RSRC1: variants seen among roughly 807,000 people sequenced by gnomAD.
RSRC1 encodes arginine and serine rich coiled-coil 1.
In RSRC1, 39 loss-of-function variants were observed where a neutral mutation model predicts 49.1. That is an observed-to-expected ratio of 0.79 (90% CI 0.61 to 1.04). RSRC1 has a LOEUF of 1.04. RSRC1 is among the 50% of genes least tolerant of loss of function. RSRC1 has a pLI of 0.00. For missense variants in RSRC1, 388 were observed against 402.4 expected (o/e 0.96, Z 0.31); for synonymous variants, 143 against 130.8 (o/e 1.09, Z -0.63).
At chr3:158,262,602 C>T (rs1254146740) in intron 4 of RSRC1, among the ~76,000 whole-genome samples, 1 of 151,928 alleles carries the variant, frequency 6.6e-6, no homozygotes, top group African/African-American at 2.4e-5. Context: ...ATAAAATATC[C>T]TGCTTTGATT....
chr3:158,428,282 A>AT (rs1255856007), intron 6 of RSRC1, among the ~76,000 whole-genome samples: 11 of 151,894 alleles, frequency 7.2e-5, no homozygotes, highest in Admixed American at 7.2e-4. Flanking sequence ...GGGATAATGC[A>AT]TATCAGTTTG....
Position 158,537,097 on chromosome 3 carries a change from G to A in RSRC1, c.658G>A (p.Ala220Thr). ...EAKRRKEEDQ[A>T]TLVEQVKRVK... is the part of the protein sequence containing the mutation. ...CATTATACCCTCTTTTTCAGACCAAGCCACCCTGGTAGAACAAGTAAAAAG... is the reference window on the plus strand; with the variant it reads ...CATTATACCCTCTTTTTCAGACCAAACCACCCTGGTAGAACAAGTAAAAAG... The change falls in exon 8 of 10, where the codon GCC becomes ACC. Residue 220 changes from alanine (A) to threonine (T), a missense_variant. Transcript: ENST00000611884. 1.1e-5 allele frequency: 17 copies of A among 1,607,570 alleles called. No homozygotes were observed. The highest frequency in any genetic ancestry group is 1.4e-5 in the Non-Finnish European group (16 of 1,175,622).
chr3:158,515,728 A>G lies in RSRC1; in HGVS notation c.653-21364A>G, dbSNP rs1740482656. Among the ~76,000 whole-genome samples, 3 of 149,724 alleles carry G rather than the reference A, an allele frequency of 2.0e-5. No individual in the cohort carries two copies. In the South Asian group the frequency reaches 6.5e-4, roughly 32 times the overall value. On this transcript the variant is annotated intron_variant, in intron 7 of 9. Coordinates refer to ENST00000611884, the MANE Select transcript of RSRC1 (RefSeq NM_001271838.2). ...TGGTTCCATTCTCCCCGTCACTTTC[A>G]GGTACACCAATCAGACGTAGATTTG...
intron 7 of RSRC1, among the ~76,000 whole-genome samples, chr3:158,467,848 G>A (rs1185873729): frequency 2.0e-5 from 3 of 152,126 alleles, no homozygotes; most frequent in African/African-American, 7.2e-5. Context: ...TATTTTACTT[G>A]GCTAAGTTTT....
rs546576291 is a variant in RSRC1 at position 158,520,937 on chromosome 3, A to G, written c.653-16155A>G. ...GATTGAAATGGCATGCTTATCTAACATAACTAGAATTCCCTGGTTATTCCC... is the reference window on the plus strand; with the variant it reads ...GATTGAAATGGCATGCTTATCTAACGTAACTAGAATTCCCTGGTTATTCCC... On this transcript the variant is annotated intron_variant, in intron 7 of 9. Transcript: ENST00000611884. Among the ~76,000 whole-genome samples, 5 of 152,278 alleles carry G rather than the reference A, an allele frequency of 3.3e-5. No homozygotes were observed. In the South Asian group the frequency reaches 1.0e-3, roughly 32 times the overall value.
chr3:158,349,013 G>C (rs534694766), intron 5 of RSRC1, among the ~76,000 whole-genome samples: 1 of 151,944 alleles, frequency 6.6e-6, no homozygotes, highest in African/African-American at 2.4e-5. Flanking sequence ...ACTTAGGTTT[G>C]TTTCATGACT....
intron 3 of RSRC1, among the ~76,000 whole-genome samples, chr3:158,128,920 C>T (rs1368672530): frequency 6.6e-6 from 1 of 152,054 alleles, no homozygotes; most frequent in Non-Finnish European, 1.5e-5. Context: ...GCATTTTTGG[C>T]AAGAATACGA....
chr3:158,215,009 A>G (rs1053161562), intron 4 of RSRC1, among the ~76,000 whole-genome samples: 4 of 149,584 alleles, frequency 2.7e-5, no homozygotes, highest in Admixed American at 6.8e-5. Flanking sequence ...GTCTCTAACT[A>G]TAATTCTGTA....
intron 1 of RSRC1, among the ~76,000 whole-genome samples, chr3:158,115,313 C>T (rs559841576): frequency 2.3e-4 from 35 of 152,038 alleles, no homozygotes; most frequent in African/African-American, 6.7e-4. Context: ...TTTTGGTCAC[C>T]CCCAAGACAG....
chr3:158,489,319 A>C (rs1178479517), intron 7 of RSRC1, among the ~76,000 whole-genome samples: 1 of 152,230 alleles, frequency 6.6e-6, no homozygotes, highest in Non-Finnish European at 1.5e-5. Flanking sequence ...ACCAAATGCA[A>C]GCAGGTTCTT....
intron 3 of RSRC1, among the ~76,000 whole-genome samples, chr3:158,137,655 C>T (rs201662921): frequency 2.9e-5 from 4 of 138,518 alleles, no homozygotes; most frequent in African/African-American, 8.0e-5. Flanking sequence ...TTTTCTTTTT[C>T]TTTTTTTTTT....
chr3:158,222,923 T>G (rs1270637375), intron 4 of RSRC1, among the ~76,000 whole-genome samples: 1 of 151,640 alleles, frequency 6.6e-6, no homozygotes, highest in African/African-American at 2.4e-5. Flanking sequence ...TCTCATCTCC[T>G]CCAGCACTAT....
rs548559326 is a variant in RSRC1 at position 158,534,765 on chromosome 3, A to G, written c.653-2327A>G. 1.3e-4 allele frequency among the ~76,000 whole-genome samples: 19 copies of G among 151,630 alleles called. No homozygotes were observed. In the East Asian group the frequency reaches 3.3e-3, roughly 26 times the overall value. ...AAACTATAAAATAGAATGCTATGCAATTATAAAATAGAATGCAGAACTCTC... is the reference window on the plus strand; with the variant it reads ...AAACTATAAAATAGAATGCTATGCAGTTATAAAATAGAATGCAGAACTCTC... On this transcript the variant is annotated intron_variant, in intron 7 of 9. Coordinates refer to ENST00000611884, the MANE Select transcript of RSRC1 (RefSeq NM_001271838.2).
At position 158,203,036 on chromosome 3, in the gene RSRC1, A is replaced by G. The variant is rs1407487198; in HGVS notation, c.321-36A>G. On this transcript the variant is annotated intron_variant, in intron 3 of 9. Coordinates refer to ENST00000611884, the MANE Select transcript of RSRC1 (RefSeq NM_001271838.2). ...ATTTACTTTTCACGATACAAATTAT[A>G]CACTAAGTTTATTTAACAAAATCTG... The G allele has an allele frequency of 2.6e-6, 4 of 1,517,314 alleles. No homozygotes were observed. In the South Asian group the frequency reaches 3.5e-5, roughly 13 times the overall value. 94.0% of individuals were successfully genotyped at this position (1,517,314 alleles called of 1,614,324 possible).
chr3:158,276,088 G>C, intron 4 of RSRC1: 1 of 883,806 alleles, frequency 1.1e-6, no homozygotes, highest in Non-Finnish European at 1.9e-6. Flanking sequence ...GACTCTTAGA[G>C]CCCCACAGTG....
intron 8 of RSRC1, among the ~76,000 whole-genome samples, chr3:158,537,444 A>G (rs1206530671): frequency 1.3e-5 from 2 of 151,702 alleles, no homozygotes; most frequent in African/African-American, 2.4e-5. Context: ...CACCAAGAAT[A>G]CTAAGTAATA....
intron 7 of RSRC1, among the ~76,000 whole-genome samples, chr3:158,518,095 C>CGTGTGT (rs1263691994): frequency 1.4e-4 from 11 of 77,398 alleles, no homozygotes; most frequent in Non-Finnish European, 1.9e-4. Flanking sequence ...TAAGTGCGTG[C>CGTGTGT]GTGTGTGTGT....
intron 6 of RSRC1, among the ~76,000 whole-genome samples, chr3:158,422,539 T>G (rs536567294): frequency 6.6e-6 from 1 of 151,440 alleles, no homozygotes; most frequent in South Asian, 2.1e-4. Flanking sequence ...TAAACATACG[T>G]GTGCATGTGT....
chr3:158,126,337 T>C (rs1217383844), intron 3 of RSRC1, among the ~76,000 whole-genome samples: 4 of 152,114 alleles, frequency 2.6e-5, no homozygotes, highest in Non-Finnish European at 5.9e-5. Context: ...ATTTTTGTAT[T>C]GACATGCTAT....
Sources: gnomAD v4.1 joint callset for allele counts (sites outside exome capture counted in the v4.1 genomes callset) on GRCh38, gnomAD v4.1.1 for gene constraint, MANE v1.5 for transcripts, NCBI Gene and HGNC (gene_info 2026-07-23, HGNC 2026-07-21) for gene names.